The following AGTPBP1 variants were observed in gnomAD, a reference collection of about 807,000 sequenced individuals.
AGTPBP1 encodes ATP/GTP binding carboxypeptidase 1.
Under a neutral mutation model 143.9 loss-of-function variants are expected in AGTPBP1, and 70 were observed. The observed-to-expected ratio is 0.49, with a 90% CI of 0.40 to 0.59. AGTPBP1 has a LOEUF of 0.59. AGTPBP1 is among the 20% of genes least tolerant of loss of function. AGTPBP1 has a pLI of 0.00. For synonymous variants in AGTPBP1, 463 were observed against 500.2 expected (o/e 0.93, Z 0.99); for missense variants, 1,229 against 1,464.5 (o/e 0.84, Z 2.62).
the AGTPBP1 span, among the ~76,000 whole-genome samples, chr9:85,779,688 T>G: frequency 1.3e-5 from 2 of 152,140 alleles, no homozygotes; most frequent in African/African-American, 4.8e-5. Context: ...CATCACACCA[T>G]CTCTACCAAA....
chr9:85,802,951 T>C, the AGTPBP1 span, among the ~76,000 whole-genome samples: 11 of 152,364 alleles, frequency 7.2e-5, no homozygotes, highest in East Asian at 2.1e-3. Context: ...CATATGCAAC[T>C]GAAAGAGAGG....
At chr9:85,760,012 A>C in the AGTPBP1 span, among the ~76,000 whole-genome samples, 2 of 152,120 alleles carry the variant, frequency 1.3e-5, no homozygotes, top group Non-Finnish European at 2.9e-5. Flanking sequence ...TAAACTAGAA[A>C]ATCTAGAAGA....
rs576738893 is a variant in AGTPBP1 at position 85,727,054 on chromosome 9, G to C, written c.-33-14488C>G. 2.0e-4 allele frequency among the ~76,000 whole-genome samples: 31 copies of C among 152,294 alleles called. 1 individual carries two copies. Among genetic ancestry groups the C allele is most frequent in the Admixed American group, 3.9e-4 (6 of 15,304 alleles). On this transcript the variant is annotated intron_variant, in intron 1 of 25. Coordinates refer to ENST00000357081, the MANE Select transcript of AGTPBP1 (RefSeq NM_001330701.2). ...CCAAAGTGCTCCAAAATTCGGCCGGGTGTGGTGGCTCACGCCTGTAATCCT... is the reference window on the plus strand; with the variant it reads ...CCAAAGTGCTCCAAAATTCGGCCGGCTGTGGTGGCTCACGCCTGTAATCCT...
At chr9:85,783,625 G>GT in the AGTPBP1 span, among the ~76,000 whole-genome samples, 348 of 147,438 alleles carry the variant, frequency 2.4e-3, 3 homozygotes, top group East Asian at 8.3e-3. Flanking sequence ...TTGGTGCATT[G>GT]TTTTTTTTTT....
intron 2 of AGTPBP1, among the ~76,000 whole-genome samples, chr9:85,697,577 T>C (rs1001734024): frequency 1.4e-5 from 2 of 147,428 alleles, no homozygotes; most frequent in African/African-American, 2.5e-5. Flanking sequence ...CTCAGCCTCC[T>C]GAGTAGCTGG....
At chr9:85,589,933 T>C (rs1244389648) in intron 19 of AGTPBP1, among the ~76,000 whole-genome samples, 1 of 152,140 alleles carries the variant, frequency 6.6e-6, no homozygotes, top group Non-Finnish European at 1.5e-5. Flanking sequence ...ACACTCATTA[T>C]TTGTGCAGCA....
Position 85,647,728 on chromosome 9 carries a change from T to C in AGTPBP1, c.1088-1310A>G, listed in dbSNP as rs1180746008. On this transcript the variant is annotated intron_variant, in intron 11 of 25. Coordinates refer to ENST00000357081, the MANE Select transcript of AGTPBP1 (RefSeq NM_001330701.2). ...AAAGTATAACAGATTTCTATGTGAA[T>C]GTAATGGTGGGTGAGTGTGGCTTCT... 3.9e-5 allele frequency among the ~76,000 whole-genome samples: 6 copies of C among 152,152 alleles called. No individual in the cohort carries two copies. In the South Asian group the frequency reaches 8.3e-4, roughly 21 times the overall value.
chr9:85,581,221 G>C (rs1445550881), intron 23 of AGTPBP1, among the ~76,000 whole-genome samples: 3 of 152,214 alleles, frequency 2.0e-5, no homozygotes, highest in African/African-American at 7.2e-5. Flanking sequence ...TAGGGTGCTT[G>C]TTTAGGCATA....
intron 8 of AGTPBP1, among the ~76,000 whole-genome samples, chr9:85,669,003 GTGTGTA>G (rs1564124864): frequency 1.3e-5 from 1 of 78,972 alleles, no homozygotes; most frequent in African/African-American, 5.4e-5. Flanking sequence ...GTGTGTGTGT[GTGTGTA>G]TACATACACA....
chr9:85,659,552 T>G (rs986047621), intron 9 of AGTPBP1, among the ~76,000 whole-genome samples: 1 of 152,026 alleles, frequency 6.6e-6, no homozygotes, highest in Admixed American at 6.6e-5. Context: ...CCCACCACCC[T>G]CATTTGAAAA....
the AGTPBP1 span, among the ~76,000 whole-genome samples, chr9:85,761,233 A>G: frequency 1.3e-5 from 2 of 152,232 alleles, no homozygotes; most frequent in African/African-American, 4.8e-5. Flanking sequence ...CATCCCCATC[A>G]AGCTACCAAT....
chr9:85,765,033 T>C, the AGTPBP1 span: 1,490 of 602,030 alleles, frequency 2.5e-3, 1 homozygote, highest in Non-Finnish European at 3.6e-3. Context: ...ACTTGGTTCC[T>C]TGAGATTTTG....
chr9:85,768,539 G>C, the AGTPBP1 span, among the ~76,000 whole-genome samples: 51 of 152,178 alleles, frequency 3.4e-4, no homozygotes, highest in African/African-American at 9.9e-4. Context: ...TGATGATAAG[G>C]ACTTACTCTA....
intron 1 of AGTPBP1, chr9:85,741,535 G>A (rs767302071): frequency 3.8e-5 from 37 of 985,102 alleles, no homozygotes; most frequent in Non-Finnish European, 4.2e-5. Flanking sequence ...TCCGGGGACT[G>A]GGGAAGGCGT....
intron 1 of AGTPBP1, among the ~76,000 whole-genome samples, chr9:85,712,994 A>G (rs1257223072): frequency 6.6e-6 from 1 of 152,226 alleles, no homozygotes; most frequent in East Asian, 1.9e-4. Flanking sequence ...ATTTCCATAT[A>G]AGAACATTTT....
At chr9:85,640,682 G>C (rs144468525) in intron 13 of AGTPBP1, among the ~76,000 whole-genome samples, 1 of 151,974 alleles carries the variant, frequency 6.6e-6, no homozygotes, top group African/African-American at 2.4e-5. Context: ...GCCTATTCTG[G>C]GTGACAAACT....
At chr9:85,750,114 C>T in the AGTPBP1 span, among the ~76,000 whole-genome samples, 1 of 152,102 alleles carries the variant, frequency 6.6e-6, no homozygotes, top group African/African-American at 2.4e-5. Context: ...GATCTCCTGA[C>T]ATTGTGATCT....
rs781087085 is a variant in AGTPBP1 at position 85,592,671 on chromosome 9, A to G, written c.2457T>C (p.Gly819=). Residue 819 remains glycine, a synonymous_variant, in exon 19 of 26, where the codon GGT becomes GGC. Transcript: ENST00000357081. ...TATAGTAGGATTTTCCCTTTTGCCC[A>G]CCTGCAGCAACTGAACTTCTTGAGA... ...NHFSRSSVAA[G]GQKGKSYYTI... 1.2e-6 allele frequency: 2 copies of G among 1,611,214 alleles called. No individual in the cohort carries two copies. Among genetic ancestry groups the G allele is most frequent in the Non-Finnish European group, 1.7e-6 (2 of 1,178,984 alleles).
chr9:85,791,475 GTACT>G, the AGTPBP1 span: 2 of 152,134 alleles, frequency 1.3e-5, no homozygotes, highest in South Asian at 2.1e-4. Context: ...TCATAGGCAT[GTACT>G]TACTTACTTT....
Sources: gnomAD v4.1 joint callset for allele counts (sites outside exome capture counted in the v4.1 genomes callset) on GRCh38, gnomAD v4.1.1 for gene constraint, MANE v1.5 for transcripts, NCBI Gene and HGNC (gene_info 2026-07-23, HGNC 2026-07-21) for gene names.